Variants in STAT5A observed in about 807,000 individuals in gnomAD.
STAT5A encodes the protein signal transducer and activator of transcription 5A.
Under a neutral mutation model 100.2 loss-of-function variants are expected in STAT5A, and 26 were observed. The observed-to-expected ratio is 0.26, with a 90% CI of 0.19 to 0.36. STAT5A has a LOEUF of 0.36. Ranked by LOEUF, STAT5A falls within the 10% of genes least tolerant of loss-of-function variation. The pLI, the probability that STAT5A is intolerant of heterozygous loss-of-function variation, is 1.00. For synonymous variants in STAT5A, 330 were observed against 424.3 expected (o/e 0.78, Z 2.73); for missense variants, 634 against 1,027.5 (o/e 0.62, Z 5.24).
chr17:42,311,555 G>T lies in STAT5A; in HGVS notation c.*886G>T, dbSNP rs1047425906. 1.3e-5 allele frequency: 2 copies of T among 152,844 alleles called. No homozygotes were observed. The highest frequency in any genetic ancestry group is 3.7e-4 in the East Asian group (2 of 5,354). The allele number at this position is 152,844 out of a possible 1,614,324, so 9.5% of individuals were successfully genotyped here. Reference sequence around the variant, plus strand: ...AGGGGCCCCGGGACTTGGAGGGTTGGTCCTCTTGCCTCCTGGAAAAAACAA... The same window carrying T: ...AGGGGCCCCGGGACTTGGAGGGTTGTTCCTCTTGCCTCCTGGAAAAAACAA... On this transcript the variant is annotated 3_prime_UTR_variant, in exon 19 of 19. Transcript: ENST00000590949.
At chr17:42,289,223 G>A in intron 1 of STAT5A, 179 bp from the exon 2 acceptor site, 1 of 589,578 alleles carries the variant, frequency 1.7e-6, no homozygotes, top group South Asian at 3.2e-5. Flanking sequence ...CCTTGTTGGA[G>A]GGGATGGGCG....
chr17:42,289,305 C>T, intron 1 of STAT5A, 97 bp from the exon 2 acceptor site: 1 of 1,367,724 alleles, frequency 7.3e-7, no homozygotes, highest in Non-Finnish European at 9.5e-7. Flanking sequence ...CCTGGCCTGG[C>T]CGCGGTCCAG....
At chr17:42,289,151 G>A (rs1020702590) in intron 1 of STAT5A, 3 of 388,274 alleles carry the variant, frequency 7.7e-6, no homozygotes, top group Non-Finnish European at 1.4e-5. Context: ...GGGGCGAGGG[G>A]AGAGGAAGAC....
chr17:42,287,876 G>A (rs917646165), upstream of STAT5A: 1 of 152,276 alleles, frequency 6.6e-6, no homozygotes, highest in Non-Finnish European at 1.5e-5. Context: ...TAGATGGCCG[G>A]AGTAAAAGAA....
chr17:42,306,154 G>C, intron 12 of STAT5A, 87 bp from the exon 13 acceptor site: 1 of 1,600,244 alleles, frequency 6.2e-7, no homozygotes, highest in Non-Finnish European at 8.5e-7. Flanking sequence ...AGTCTCCTCT[G>C]TCTCTAGGTG....
rs2081051697 is a variant in STAT5A at position 42,308,603 on chromosome 17, T to C, written c.2062+270T>C. 2 of 539,070 alleles carry C rather than the reference T, an allele frequency of 3.7e-6. No individual in the cohort carries two copies. The highest frequency in any genetic ancestry group is 6.6e-6 in the Non-Finnish European group (2 of 301,628). The allele number at this position is 539,070 out of a possible 1,614,324, so 33.4% of individuals were successfully genotyped here. ...CCCTCGGAGGAAGGGGTGGCAGCAC[T>C]GTAGGGAGTGGCCGGGATCATTCGA... On this transcript the variant is annotated intron_variant, in intron 16 of 18. Transcript: ENST00000590949. The surrounding 1 kb of genome is among the most constrained non-coding windows in gnomAD (Gnocchi z 4.6).
intron 4 of STAT5A, among the ~76,000 whole-genome samples, chr17:42,293,718 G>A (rs2080893063): frequency 6.6e-6 from 1 of 152,252 alleles, no homozygotes; most frequent in Non-Finnish European, 1.5e-5. Context: ...TCAGATTGGG[G>A]CAGGCTGGCA....
intron 9 of STAT5A, among the ~76,000 whole-genome samples, chr17:42,303,535 T>C (rs112488574): frequency 0.18 from 27,036 of 151,912 alleles, 4,151 homozygotes; most frequent in African/African-American, 0.42. Flanking sequence ...CATGGCAAAA[T>C]CCAATCTCTA....
At chr17:42,299,325 C>T (rs568873474) in intron 5 of STAT5A, among the ~76,000 whole-genome samples, 4 of 152,248 alleles carry the variant, frequency 2.6e-5, no homozygotes, top group Admixed American at 6.5e-5. Flanking sequence ...GAGAATCTCC[C>T]GTTTTACACG....
chr17:42,308,252 G>A lies in STAT5A; in HGVS notation c.1981G>A (p.Gly661Arg). 6.2e-7 allele frequency: 1 copy of A among 1,614,190 alleles called. No individual in the cohort carries two copies. Among genetic ancestry groups the A allele is most frequent in the East Asian group, 2.2e-5 (1 of 44,874 alleles). ...FSIRSLADRL[G>R]DLSYLIYVFP... ...CATCAGGTCCCTGGCTGACCGGCTG[G>A]GGGACCTGAGCTATCTCATCTATGT... is the stretch of plus-strand genomic sequence containing the variant. The change falls in exon 16 of 19, where the codon GGG (glycine) becomes AGG (arginine). Residue 661 changes from glycine (G) to arginine (R), a missense_variant. Transcript: ENST00000590949. This position sits in a 1 kb window ranked among gnomAD's most constrained non-coding sequence, Gnocchi z 4.6.
intron 5 of STAT5A, among the ~76,000 whole-genome samples, chr17:42,298,890 G>A (rs28664107): frequency 0.18 from 27,590 of 151,974 alleles, 2,712 homozygotes; most frequent in East Asian, 0.36. Flanking sequence ...GCCTCCCTTC[G>A]GCCTCCCTTT....
At chr17:42,296,604 A>T (rs1001540610) in intron 5 of STAT5A, among the ~76,000 whole-genome samples, 5 of 152,068 alleles carry the variant, frequency 3.3e-5, no homozygotes, top group Non-Finnish European at 7.4e-5. Context: ...ACCTTAGGTC[A>T]TTGATTTTAG....
intron 8 of STAT5A, 57 bp downstream of exon 8, chr17:42,300,927 G>T: frequency 6.2e-7 from 1 of 1,609,754 alleles, no homozygotes; most frequent in Non-Finnish European, 8.5e-7. Context: ...GCCTGCGTGG[G>T]GGGAGCTGCA....
chr17:42,299,999 T>C (rs2080960567), intron 6 of STAT5A, 118 bp downstream of exon 6: 1 of 1,278,248 alleles, frequency 7.8e-7, no homozygotes, highest in South Asian at 1.4e-5. Context: ...AGGCCTTTTT[T>C]CCTGGGGGCC....
chr17:42,307,369 C>T (rs1273424917), intron 13 of STAT5A, 33 bp from the exon 14 acceptor site: 1 of 1,606,100 alleles, frequency 6.2e-7, no homozygotes, highest in South Asian at 1.1e-5. Context: ...ACCTGGGGCA[C>T]CAGCCCTGAC....
chr17:42,310,449 G>A, intron 18 of STAT5A, 58 bp from the exon 19 acceptor site: 1 of 1,593,460 alleles, frequency 6.3e-7, no homozygotes, highest in East Asian at 2.2e-5. Context: ...GCTGTCCCCA[G>A]GGAGCTTGAG....
chr17:42,302,276 C>T (rs778091205), intron 9 of STAT5A, among the ~76,000 whole-genome samples: 2 of 152,224 alleles, frequency 1.3e-5, no homozygotes, highest in African/African-American at 4.8e-5. Context: ...CGCCCAGCCC[C>T]TTGAGCAGCA....
In STAT5A at chr17:42,311,779, T is replaced by C. The variant is rs1218959185; in HGVS notation, c.*1110T>C. 1 of 152,688 alleles carries C rather than the reference T, an allele frequency of 6.5e-6. No individual in the cohort carries two copies. The highest frequency in any genetic ancestry group is 6.5e-5 in the Admixed American group (1 of 15,278). 9.5% of individuals were successfully genotyped at this position (152,688 alleles called of 1,614,324 possible). ...CCCCACACGCTCCTCCCTCTGAGGC[T>C]GTAGGACTCGCAGTCAGGGGCAGCT... On this transcript the variant is annotated 3_prime_UTR_variant, in exon 19 of 19. Transcript: ENST00000590949.
At chr17:42,300,013 C>T (rs374276628) in intron 6 of STAT5A, 117 bp from the exon 7 acceptor site, 132,286 of 1,203,620 alleles carry the variant, frequency 0.11, 10,606 homozygotes, top group African/African-American at 0.41. Context: ...GGGGGCCTTG[C>T]GAGGCAGAGC....
Sources: gnomAD v4.1 joint callset for allele counts (sites outside exome capture counted in the v4.1 genomes callset) on GRCh38, gnomAD v4.1.1 for gene constraint, Gnocchi (gnomAD v3.1) non-coding constraint, MANE v1.5 for transcripts, NCBI Gene and HGNC (gene_info 2026-07-23, HGNC 2026-07-21) for gene names.